The following CTDP1 variants were observed in gnomAD, a reference collection of about 807,000 sequenced individuals.
CTDP1 encodes RNA polymerase II subunit A C-terminal domain phosphatase.
In CTDP1, 47 loss-of-function variants were observed where a neutral mutation model predicts 91.8. The ratio of observed to expected loss-of-function variants is 0.51; its 90% confidence interval spans 0.41 to 0.65. CTDP1 has a LOEUF of 0.65. Among genes scored for constraint, CTDP1 ranks in the 30% least tolerant of loss-of-function variants. CTDP1 has a pLI of 0.00. For synonymous variants in CTDP1, 656 were observed against 598.5 expected (o/e 1.10, Z -1.40); for missense variants, 1,272 against 1,373.7 (o/e 0.93, Z 1.17).
intron 10 of CTDP1, among the ~76,000 whole-genome samples, chr18:79,727,188 T>C (rs574041897): frequency 4.3e-4 from 65 of 152,322 alleles, no homozygotes; most frequent in African/African-American, 1.5e-3. Flanking sequence ...AGAGCAGTTA[T>C]CATAGGTTTT....
At position 79,694,891 on chromosome 18, in the gene CTDP1, C is replaced by T. The variant is rs558519753; in HGVS notation, c.315-334C>T. Among the ~76,000 whole-genome samples the T allele has an allele frequency of 3.9e-5, 6 of 152,360 alleles. No individual in the cohort carries two copies. In the East Asian group the frequency reaches 1.2e-3, roughly 29 times the overall value. On this transcript the variant is annotated intron_variant, in intron 1 of 12. Transcript: ENST00000613122. ...CTCTAACGGAAATGTCAGAGGATCA[C>T]ATATAAATAGTGTGTTTTGAGACAA...
intron 11 of CTDP1, among the ~76,000 whole-genome samples, chr18:79,733,156 G>A (rs969392286): frequency 4.6e-5 from 7 of 152,170 alleles, no homozygotes; most frequent in East Asian, 3.9e-4. Flanking sequence ...GGATCCTCAC[G>A]CCACGGCCTC....
intron 11 of CTDP1, among the ~76,000 whole-genome samples, chr18:79,734,258 C>T (rs553824619): frequency 6.0e-4 from 91 of 152,330 alleles, no homozygotes; most frequent in African/African-American, 1.9e-3. Flanking sequence ...GGACGTGACC[C>T]CATCCTGAGT....
intron 1 of CTDP1, among the ~76,000 whole-genome samples, chr18:79,693,694 GAGCCCCGCACC>G (rs2085670996): frequency 6.6e-6 from 1 of 152,130 alleles, no homozygotes; most frequent in Non-Finnish European, 1.5e-5. Flanking sequence ...CGAGGGCTCG[GAGCCCCGCACC>G]GTGTGTCCTC....
At chr18:79,711,878 T>A (rs571317708) in intron 6 of CTDP1, among the ~76,000 whole-genome samples, 2 of 152,146 alleles carry the variant, frequency 1.3e-5, no homozygotes, top group Non-Finnish European at 2.9e-5. Context: ...TTTCCCCATT[T>A]CCACCCGGAA....
At chr18:79,708,416 C>T (rs1042750051) in intron 5 of CTDP1, among the ~76,000 whole-genome samples, 3 of 152,200 alleles carry the variant, frequency 2.0e-5, no homozygotes, top group African/African-American at 2.4e-5. Context: ...TAAAAGCCAG[C>T]GTGAAAACAA....
intron 11 of CTDP1, among the ~76,000 whole-genome samples, chr18:79,730,563 C>T (rs545875355): frequency 2.0e-5 from 3 of 152,338 alleles, no homozygotes; most frequent in Admixed American, 6.5e-5. Context: ...AAAAAGTAAT[C>T]GTAACCCCCC....
upstream of CTDP1, chr18:79,679,101 G>C (rs2085295924): frequency 1.4e-5 from 4 of 283,158 alleles, no homozygotes; most frequent in South Asian, 1.1e-4. Flanking sequence ...ACCACGCGCC[G>C]GTGCCCGCCC....
At chr18:79,700,711 C>T (rs561198476) in intron 4 of CTDP1, among the ~76,000 whole-genome samples, 5 of 152,330 alleles carry the variant, frequency 3.3e-5, no homozygotes, top group African/African-American at 7.2e-5. Context: ...AAACTAAACA[C>T]GCTAAACAAC....
chr18:79,746,907 G>T (rs1052462270), intron 12 of CTDP1, among the ~76,000 whole-genome samples: 12 of 152,194 alleles, frequency 7.9e-5, no homozygotes, highest in African/African-American at 2.9e-4. Flanking sequence ...TGGACCTACA[G>T]GTGTGAACAC....
At chr18:79,685,106 T>TCTCTACTCCC (rs1294115391) in intron 1 of CTDP1, among the ~76,000 whole-genome samples, 1 of 152,218 alleles carries the variant, frequency 6.6e-6, no homozygotes, top group African/African-American at 2.4e-5. Flanking sequence ...TGCCTCGTGG[T>TCTCTACTCCC]GTGCTCAGGC....
At chr18:79,730,001 G>A (rs964294332) in intron 11 of CTDP1, among the ~76,000 whole-genome samples, 6 of 152,230 alleles carry the variant, frequency 3.9e-5, no homozygotes, top group Non-Finnish European at 8.8e-5. Context: ...TTCTTGAGGA[G>A]GAAAACAGCT....
At chr18:79,694,226 C>T (rs1314066369) in intron 1 of CTDP1, among the ~76,000 whole-genome samples, 8 of 143,922 alleles carry the variant, frequency 5.6e-5, no homozygotes, top group Admixed American at 2.1e-4. Flanking sequence ...GCAGGGTGGT[C>T]GGAGCAGCCC....
chr18:79,748,180 G>C (rs964653585), intron 12 of CTDP1, among the ~76,000 whole-genome samples: 4 of 152,200 alleles, frequency 2.6e-5, no homozygotes, highest in African/African-American at 7.2e-5. Flanking sequence ...ACTAACCATA[G>C]TCTGCAGCTG....
chr18:79,749,657 C>T (rs2086956171), intron 12 of CTDP1: 1 of 152,300 alleles, frequency 6.6e-6, no homozygotes, highest in African/African-American at 2.4e-5. Context: ...TGAAACACCG[C>T]CTCTGTTCGC....
rs1287029431 is a variant in CTDP1 at position 79,744,128 on chromosome 18, G to C, written c.2747+7607G>C. Among the ~76,000 whole-genome samples the C allele has an allele frequency of 3.3e-5, 5 of 152,320 alleles. No individual in the cohort carries two copies. The East Asian group carries it at 9.6e-4, about 29-fold the overall frequency. ...TTTGTCTCTTGTCTACCTGTGACCT[G>C]GAAGTCCCTCCCTGGTTCCAGCTGT... On this transcript the variant is annotated intron_variant, in intron 12 of 12. Transcript: ENST00000613122.
At position 79,714,558 on chromosome 18, in the gene CTDP1, G is replaced by A. The variant is rs1295844049; in HGVS notation, c.1098G>A (p.Thr366=). 4.3e-6 allele frequency: 7 copies of A among 1,613,160 alleles called. No homozygotes were observed. Among genetic ancestry groups the A allele is most frequent in the Non-Finnish European group, 5.9e-6 (7 of 1,180,038 alleles). ...SPPVRDPEGV[T]QAPGVEPSNG... is the part of the protein sequence containing the mutation. ...CCGTGAGAGACCCTGAGGGGGTAAC[G>A]CAGGCCCCTGGAGTGGAGCCCAGCA... Residue 366 remains threonine (T), a synonymous_variant, in exon 8 of 13, where the codon ACG becomes ACA. Coordinates refer to ENST00000613122, the MANE Select transcript of CTDP1 (RefSeq NM_004715.5).
At chr18:79,716,254 C>T (rs76399810) in intron 8 of CTDP1, among the ~76,000 whole-genome samples, 30 of 152,316 alleles carry the variant, frequency 2.0e-4, no homozygotes, top group East Asian at 3.9e-4. Context: ...TGCGTGGCCC[C>T]GCCTCCGGGG....
intron 12 of CTDP1, among the ~76,000 whole-genome samples, chr18:79,748,044 G>A (rs771250616): frequency 4.7e-4 from 72 of 152,138 alleles, no homozygotes; most frequent in Non-Finnish European, 8.4e-4. Context: ...TGTTAAAGCT[G>A]TAAATTTTCC....
Sources: gnomAD v4.1 joint callset for allele counts (sites outside exome capture counted in the v4.1 genomes callset) on GRCh38, gnomAD v4.1.1 for gene constraint, MANE v1.5 for transcripts, NCBI Gene and HGNC (gene_info 2026-07-23, HGNC 2026-07-21) for gene names.